Variants in TEFM observed in about 807,000 individuals in gnomAD.
TEFM encodes transcription elongation factor of mitochondria.
In TEFM, 14 loss-of-function variants were observed where a neutral mutation model predicts 23.0. That is an observed-to-expected ratio of 0.61 (90% CI 0.40 to 0.95). TEFM has a LOEUF of 0.95. Ranked by LOEUF, TEFM falls within the 40% of genes least tolerant of loss-of-function variation. The pLI is 0.00. For synonymous variants in TEFM, 155 were observed against 158.3 expected, an observed-to-expected ratio of 0.98 and a Z score of 0.16; for missense variants, 386 against 425.5, an observed-to-expected ratio of 0.91 and a Z score of 0.82.
At chr17:30,905,804 C>A (rs1254724286) in intron 1 of TEFM, among the ~76,000 whole-genome samples, 1 of 152,108 alleles carries the variant, frequency 6.6e-6, no homozygotes, top group Admixed American at 6.6e-5. Flanking sequence ...GGTAAGCAAG[C>A]GGCTGTGAGA....
rs1374685642 is a variant in TEFM at position 30,904,485 on chromosome 17, AGT to A, written c.74_75del (p.Tyr25LeufsTer5). ...CFLTPSRSSLYWALHNFCCRK... is the reference protein window; with the variant it reads ...CFLTPSRSSLXWALHNFCCRK... Reference sequence around the variant, plus strand: ...CGACAGCAGAAATTATGTAAGGCCCAGTACAGGGATGACCTCGACGGGGTCAG... The same window carrying A: ...CGACAGCAGAAATTATGTAAGGCCCAACAGGGATGACCTCGACGGGGTCAG... On this transcript the variant is annotated frameshift_variant, in exon 2 of 4. Coordinates refer to ENST00000581216, the MANE Select transcript of TEFM (RefSeq NM_024683.4). LOFTEE classifies it high-confidence loss of function. 6 of 1,613,686 alleles carry A rather than the reference AGT, an allele frequency of 3.7e-6. No individual in the cohort carries two copies. Among genetic ancestry groups the A allele is most frequent in the Non-Finnish European group, 5.1e-6 (6 of 1,179,730 alleles).
At chr17:30,903,917 G>A (rs1910101788) in intron 2 of TEFM, 149 bp downstream of exon 2, 2 of 652,060 alleles carry the variant, frequency 3.1e-6, no homozygotes, top group Non-Finnish European at 5.1e-6. Context: ...TTTACTATCT[G>A]TACATCTCAT....
chr17:30,904,974 G>A (rs998228081), intron 1 of TEFM, among the ~76,000 whole-genome samples: 7 of 151,974 alleles, frequency 4.6e-5, no homozygotes, highest in East Asian at 1.9e-4. Context: ...CACTGTGCCC[G>A]GCCCGAGAAT....
At position 30,902,357 on chromosome 17, in the gene TEFM, C is replaced by T. The variant is rs148917066; in HGVS notation, c.495+1709G>A. On this transcript the variant is annotated intron_variant, in intron 2 of 3. Transcript: ENST00000581216. ...TTTCTTTAGCTAAGTGACTCTCAAG[C>T]TTTACTGTGCACAAGCATTACTGAA... is the stretch of plus-strand genomic sequence containing the variant. Among the ~76,000 whole-genome samples the T allele has an allele frequency of 2.0e-3, 299 of 152,318 alleles. 1 individual carries two copies. The highest frequency in any genetic ancestry group is 6.8e-3 in the African/African-American group (282 of 41,580).
intron 2 of TEFM, among the ~76,000 whole-genome samples, chr17:30,903,457 C>T (rs1333379972): frequency 3.3e-5 from 5 of 150,206 alleles, no homozygotes; most frequent in Non-Finnish European, 5.9e-5. Context: ...GATCTCTTGA[C>T]CTTGTGATCC....
rs777678362 is a variant in TEFM at position 30,899,154 on chromosome 17, G to A, written c.*15C>T. 8 of 1,553,458 alleles carry A rather than the reference G, an allele frequency of 5.1e-6. No homozygotes were observed. Among genetic ancestry groups the A allele is most frequent in the African/African-American group, 2.7e-5 (2 of 72,930 alleles). On this transcript the variant is annotated 3_prime_UTR_variant, in exon 4 of 4. Coordinates refer to ENST00000581216, the MANE Select transcript of TEFM (RefSeq NM_024683.4). ...AGAGCTAATAATTATACTTTAGCACGTTAACCTCAGAATTCTAAGGCTGAG... is the reference window on the plus strand; with the variant it reads ...AGAGCTAATAATTATACTTTAGCACATTAACCTCAGAATTCTAAGGCTGAG...
Position 30,899,408 on chromosome 17 carries a change from C to T in TEFM, c.844G>A (p.Gly282Arg), listed in dbSNP as rs1279065909. Residue 282 changes from glycine to arginine, a missense_variant, in exon 4 of 4, where the codon GGG becomes AGG. Gly to Arg is a moderately radical substitution (Grantham distance 125). Coordinates refer to ENST00000581216, the MANE Select transcript of TEFM (RefSeq NM_024683.4). The part of the protein sequence containing the change: ...QVLSMNRNAV[G>R]KHFELMIGDS... ...CCAATCATCAGTTCAAAATGCTTCC[C>T]CACTGCATTTCGATTCATGCTCAGC... The T allele has an allele frequency of 6.2e-7, 1 of 1,614,040 alleles. No homozygotes were observed. Among genetic ancestry groups the T allele is most frequent in the African/African-American group, 1.3e-5 (1 of 74,930 alleles).
chr17:30,904,592 G>A, intron 1 of TEFM, 63 bp from the exon 2 acceptor site: 1 of 1,207,342 alleles, frequency 8.3e-7, no homozygotes, highest in Non-Finnish European at 1.2e-6. Context: ...TTAGTTGCAA[G>A]CTTGACTAGA....
At position 30,904,470 on chromosome 17, in the gene TEFM, A is replaced by T. The variant is rs1259664873; in HGVS notation, c.91T>A (p.Phe31Ile). ...RSSLYWALHN[F>I]CCRKKSTTPK... ...GTAGTGGATTTTTTCCGACAGCAGAAATTATGTAAGGCCCAGTACAGGGAT... is the reference window on the plus strand; with the variant it reads ...GTAGTGGATTTTTTCCGACAGCAGATATTATGTAAGGCCCAGTACAGGGAT... Residue 31 changes from phenylalanine (F) to isoleucine (I), a missense_variant, in exon 2 of 4, where the codon TTC becomes ATC. By Grantham distance (21) the Phe-to-Ile change is conservative. Transcript: ENST00000581216. 1.9e-6 allele frequency: 3 copies of T among 1,614,134 alleles called. No homozygotes were observed. The highest frequency in any genetic ancestry group is 2.5e-6 in the Non-Finnish European group (3 of 1,180,040).
chr17:30,903,929 AT>A (rs1247756273), intron 2 of TEFM, 136 bp downstream of exon 2: 2 of 676,512 alleles, frequency 3.0e-6, no homozygotes, highest in African/African-American at 3.6e-5. Flanking sequence ...ACATCTCATT[AT>A]TTGGTAGTGA....
At chr17:30,899,818 C>T (rs983992239) in intron 3 of TEFM, 1 of 386,370 alleles carries the variant, frequency 2.6e-6, no homozygotes, top group East Asian at 4.1e-5. Flanking sequence ...CTGTTTAGTC[C>T]TCCTAAGTAC....
At chr17:30,900,647 G>C in intron 2 of TEFM, 85 bp from the exon 3 acceptor site, 1 of 1,263,644 alleles carries the variant, frequency 7.9e-7, no homozygotes, top group South Asian at 1.4e-5. Flanking sequence ...TGTCTCCCAG[G>C]CTGGAGTGCA....
intron 2 of TEFM, among the ~76,000 whole-genome samples, chr17:30,902,096 G>A (rs1910058007): frequency 6.6e-6 from 1 of 152,072 alleles, no homozygotes; most frequent in Non-Finnish European, 1.5e-5. Flanking sequence ...ATAAGTAATT[G>A]AATATTTAGA....
intron 3 of TEFM, chr17:30,900,169 A>G: frequency 2.2e-6 from 1 of 457,524 alleles, no homozygotes; most frequent in South Asian, 6.4e-5. Context: ...GTTCTATAAC[A>G]TTTAGAATGA....
At chr17:30,903,915 C>T (rs1166455109) in intron 2 of TEFM, 151 bp downstream of exon 2, 4 of 640,006 alleles carry the variant, frequency 6.2e-6, no homozygotes, top group African/African-American at 1.8e-5. Context: ...AATTTACTAT[C>T]TGTACATCTC....
intron 3 of TEFM, chr17:30,900,163 T>C (rs1017533620): frequency 1.3e-5 from 6 of 450,488 alleles, no homozygotes; most frequent in Non-Finnish European, 2.3e-5. Flanking sequence ...GATAATGTTC[T>C]ATAACATTTA....
chr17:30,900,473 C>G lies in TEFM; in HGVS notation c.585G>C (p.Gln195His), dbSNP rs764688999. 3.1e-6 allele frequency: 5 copies of G among 1,614,100 alleles called. No individual in the cohort carries two copies. The Admixed American group carries it at 8.3e-5, about 27-fold the overall frequency. ...LDRKLTVLDW[Q>H]QSDRWSLMRG... ...TCATTAAACTCCAACGGTCACTTTG[C>G]TGCCAGTCCAGCACTGTCAACTTAC... The change falls in exon 3 of 4, where the codon CAG becomes CAC. Residue 195 changes from glutamine to histidine, a missense_variant. Transcript: ENST00000581216.
At chr17:30,900,310 G>A (rs1363266932) in intron 3 of TEFM, 103 bp downstream of exon 3, 16 of 1,167,222 alleles carry the variant, frequency 1.4e-5, no homozygotes, top group Non-Finnish European at 1.8e-5. Context: ...AGTACCAGAA[G>A]AAAACCCATC....
intron 1 of TEFM, among the ~76,000 whole-genome samples, chr17:30,905,507 C>G (rs1910149987): frequency 1.4e-5 from 2 of 139,844 alleles, no homozygotes; most frequent in Admixed American, 1.6e-4. Flanking sequence ...GCAACAAGAG[C>G]GAAACTCCGT....
Sources: gnomAD v4.1 joint callset for allele counts (sites outside exome capture counted in the v4.1 genomes callset) on GRCh38, gnomAD v4.1.1 for gene constraint, MANE v1.5 for transcripts, NCBI Gene and HGNC (gene_info 2026-07-23, HGNC 2026-07-21) for gene names.